DIS3L2: variants seen among roughly 807,000 people sequenced by gnomAD.
DIS3L2 encodes DIS3 like 3'-5' exoribonuclease 2.
A neutral mutation model predicts 97.5 loss-of-function variants in DIS3L2; 34 were observed. The ratio of observed to expected loss-of-function variants is 0.35; its 90% confidence interval spans 0.27 to 0.46. The LOEUF (loss-of-function observed/expected upper bound fraction) is 0.46. Ranked by LOEUF, DIS3L2 falls within the 20% of genes least tolerant of loss-of-function variation. The probability of loss-of-function intolerance (pLI) is 1.00; values close to 1 mark genes in which losing one functional copy is unlikely to be tolerated. For missense variants in DIS3L2, 1,038 were observed against 1,146.0 expected (o/e 0.91, Z 1.36); for synonymous variants, 435 against 445.2 (o/e 0.98, Z 0.29).
At chr2:232,112,788 G>A (rs1409576745) in intron 6 of DIS3L2, among the ~76,000 whole-genome samples, 1 of 152,112 alleles carries the variant, frequency 6.6e-6, no homozygotes, top group Non-Finnish European at 1.5e-5. Context: ...ACCATTCAGA[G>A]AGGAAGGGGG....
In DIS3L2 at chr2:232,015,514, G is replaced by A. The variant is rs1276037942; in HGVS notation, c.53G>A (p.Gly18Asp). The change falls in exon 3 of 21, where the codon GGT becomes GAT. Residue 18 changes from glycine to aspartate, a missense_variant and splice_region_variant. Physicochemically the swap from Gly to Asp is moderately conservative, Grantham distance 94 (BLOSUM62 -1). Coordinates refer to ENST00000325385, the MANE Select transcript of DIS3L2 (RefSeq NM_152383.5). ...GTTGATTGCTGCCTCCTGTTTCTAGGTGTGTCTGCTGTGGCTGGTCCACAT... is the reference window on the plus strand; with the variant it reads ...GTTGATTGCTGCCTCCTGTTTCTAGATGTGTCTGCTGTGGCTGGTCCACAT... ...MNLRPLGTPR[G>D]VSAVAGPHDI... 1.2e-6 allele frequency: 2 copies of A among 1,613,642 alleles called. No homozygotes were observed. Among genetic ancestry groups the A allele is most frequent in the Non-Finnish European group, 1.7e-6 (2 of 1,179,742 alleles).
At chr2:231,997,341 T>C (rs1375165824) in intron 1 of DIS3L2, among the ~76,000 whole-genome samples, 1 of 152,228 alleles carries the variant, frequency 6.6e-6, no homozygotes, top group Admixed American at 6.5e-5. Flanking sequence ...CCTCAAAATA[T>C]TTTGTAAAAT....
intron 6 of DIS3L2, among the ~76,000 whole-genome samples, chr2:232,110,617 G>C (rs2106331905): frequency 6.6e-6 from 1 of 152,274 alleles, no homozygotes; most frequent in African/African-American, 2.4e-5. Flanking sequence ...CAAATACCGT[G>C]TGTTCTCACT....
chr2:232,259,975 T>C (rs2633264), intron 12 of DIS3L2: 27,349 of 152,130 alleles, frequency 0.18, 2,574 homozygotes, highest in African/African-American at 0.22. Context: ...CCATGGCTTA[T>C]GTGAAAGCAA....
At chr2:232,077,947 CTTTCTTTCTCTTTCTTT>C (rs1696246867) in intron 5 of DIS3L2, among the ~76,000 whole-genome samples, 2 of 143,628 alleles carry the variant, frequency 1.4e-5, no homozygotes, top group South Asian at 4.7e-4. Flanking sequence ...CTTTCTTTTT[CTTTCTTTCTCTTTCTTT>C]CTTTCTTTCT....
intron 9 of DIS3L2, among the ~76,000 whole-genome samples, chr2:232,184,231 C>T (rs1219733667): frequency 6.6e-6 from 1 of 152,176 alleles, no homozygotes; most frequent in African/African-American, 2.4e-5. Context: ...GCGAGTCCCA[C>T]TGATGTGACT....
chr2:231,967,441 C>T (rs1410818588), intron 1 of DIS3L2, among the ~76,000 whole-genome samples: 1 of 152,058 alleles, frequency 6.6e-6, no homozygotes, highest in African/African-American at 2.4e-5. Flanking sequence ...TTTTAGGGAC[C>T]AGCTTTCCAC....
chr2:231,971,925 G>T (rs1273018644), intron 1 of DIS3L2, among the ~76,000 whole-genome samples: 2 of 148,530 alleles, frequency 1.3e-5, no homozygotes, highest in African/African-American at 4.9e-5. Flanking sequence ...GGTGGCTCAC[G>T]CCTGTAATCC....
intron 1 of DIS3L2, among the ~76,000 whole-genome samples, chr2:231,968,626 G>A (rs949762684): frequency 6.6e-5 from 10 of 152,130 alleles, no homozygotes; most frequent in Admixed American, 6.5e-4. Context: ...GGACATGTTG[G>A]TTGTTTCCAA....
chr2:232,181,882 C>G (rs1691287523), intron 9 of DIS3L2, among the ~76,000 whole-genome samples: 1 of 152,048 alleles, frequency 6.6e-6, no homozygotes, highest in South Asian at 2.1e-4. Context: ...GAGCGCCTGA[C>G]CTCAGGTGAT....
chr2:232,309,143 T>C (rs1033116213), intron 14 of DIS3L2, among the ~76,000 whole-genome samples: 1 of 152,030 alleles, frequency 6.6e-6, no homozygotes, highest in African/African-American at 2.4e-5. Context: ...TGCTGGTGAG[T>C]CTTTGAGCAG....
At chr2:232,120,820 A>T (rs1315420048) in intron 6 of DIS3L2, among the ~76,000 whole-genome samples, 1 of 151,936 alleles carries the variant, frequency 6.6e-6, no homozygotes, top group African/African-American at 2.4e-5. Context: ...ATTTATTTCG[A>T]TACAATGAAG....
exon 14 of DIS3L2, chr2:232,343,477 A>G (rs1696159863): frequency 1.3e-6 from 2 of 1,555,756 alleles, no homozygotes; most frequent in South Asian, 2.4e-5. Context: ...GGATCCAGAC[A>G]CACGACTGTT....
intron 1 of DIS3L2, among the ~76,000 whole-genome samples, chr2:232,002,265 G>A (rs1693930169): frequency 6.6e-6 from 1 of 152,014 alleles, no homozygotes; most frequent in Admixed American, 6.6e-5. Flanking sequence ...GTGCTGTTTT[G>A]ATTACTGTAG....
chr2:232,076,060 C>A (rs1379640092), intron 5 of DIS3L2, among the ~76,000 whole-genome samples: 1 of 152,174 alleles, frequency 6.6e-6, no homozygotes, highest in Admixed American at 6.5e-5. Flanking sequence ...TGAATCACTC[C>A]ACTCTGCTTT....
chr2:232,172,051 A>T (rs1344982532), intron 9 of DIS3L2, among the ~76,000 whole-genome samples: 1 of 152,202 alleles, frequency 6.6e-6, no homozygotes, highest in Non-Finnish European at 1.5e-5. Context: ...TACTATAATG[A>T]TATTTAAAAA....
rs1246552043 is a variant in DIS3L2, at chr2:232,230,510, G to A, written c.1205-8023G>A. On this transcript the variant is annotated intron_variant, in intron 10 of 20. Transcript: ENST00000325385. ...CACAGGGTCAAGAGGGGTGACCCAA[G>A]CCAGAGCATTGTGTTCCCATCATAG... Among the ~76,000 whole-genome samples, 5 of 152,204 alleles carry A rather than the reference G, an allele frequency of 3.3e-5. No individual in the cohort carries two copies. The East Asian group carries it at 9.6e-4, about 29-fold the overall frequency.
chr2:232,022,607 A>T (rs547850547), intron 3 of DIS3L2, among the ~76,000 whole-genome samples: 11 of 152,320 alleles, frequency 7.2e-5, no homozygotes, highest in Non-Finnish European at 1.6e-4. Context: ...AGAGAAAAGC[A>T]TCTGGAATCA....
At chr2:232,022,161 G>C (rs1694536946) in intron 3 of DIS3L2, among the ~76,000 whole-genome samples, 1 of 152,158 alleles carries the variant, frequency 6.6e-6, no homozygotes, top group African/African-American at 2.4e-5. Context: ...TCAGGCTATA[G>C]GAACAACTCT....
Sources: gnomAD v4.1 joint callset for allele counts (sites outside exome capture counted in the v4.1 genomes callset) on GRCh38, gnomAD v4.1.1 for gene constraint, MANE v1.5 for transcripts, NCBI Gene and HGNC (gene_info 2026-07-23, HGNC 2026-07-21) for gene names.